FBXO6: variants seen among roughly 807,000 people sequenced by gnomAD.
FBXO6 encodes the protein F-box only protein 6.
A neutral mutation model predicts 25.0 loss-of-function variants in FBXO6; 13 were observed. That is an observed-to-expected ratio of 0.52 (90% CI 0.34 to 0.83). The LOEUF (loss-of-function observed/expected upper bound fraction) is 0.83. Among genes scored for constraint, FBXO6 ranks in the 40% least tolerant of loss-of-function variants. FBXO6 has a pLI of 0.02. For synonymous variants in FBXO6, 138 were observed against 155.3 expected (o/e 0.89, Z 0.83); for missense variants, 370 against 380.2 (o/e 0.97, Z 0.22).
intron 1 of FBXO6, among the ~76,000 whole-genome samples, chr1:11,666,037 CTTTTTTTTTTTTT>C (rs70983580): frequency 1.0e-5 from 1 of 97,388 alleles, no homozygotes; most frequent in Non-Finnish European, 1.9e-5. Context: ...TTTCTTTTCT[CTTTTTTTTTTTTT>C]TTTTTTTTGA....
chr1:11,666,604 G>A (rs1196365269), intron 1 of FBXO6, among the ~76,000 whole-genome samples: 1 of 151,896 alleles, frequency 6.6e-6, no homozygotes, highest in South Asian at 2.1e-4. Flanking sequence ...GGCTGGTCTC[G>A]AACTTCTGAC....
chr1:11,670,460 A>G (rs924218629), intron 2 of FBXO6, among the ~76,000 whole-genome samples: 1 of 152,038 alleles, frequency 6.6e-6, no homozygotes, highest in Non-Finnish European at 1.5e-5. Flanking sequence ...CTTGGTTCCC[A>G]TGACCCACCG....
chr1:11,673,247 T>TCC lies in FBXO6; in HGVS notation c.510-30_510-29insCC. On this transcript the variant is annotated intron_variant, in intron 4 of 5. Transcript: ENST00000376753. The surrounding 1 kb of genome is among the most constrained non-coding windows in gnomAD (Gnocchi z 4.3). The stretch of plus-strand genomic sequence containing the variant: ...CCCCTGGGGCCAGCCCTCGGTGGCT[T>TCC]GGACACAGGGCTCTCAACCCCTCCA... 6.3e-7 allele frequency: 1 copy of TCC among 1,598,658 alleles called. No individual in the cohort carries two copies. The highest frequency in any genetic ancestry group is 1.1e-5 in the South Asian group (1 of 88,570).
chr1:11,668,643 G>A lies in FBXO6; in HGVS notation c.-3-13G>A, dbSNP rs1488782528. 1.9e-6 allele frequency: 3 copies of A among 1,605,176 alleles called. No homozygotes were observed. The highest frequency in any genetic ancestry group is 1.1e-5 in the South Asian group (1 of 90,932). On this transcript the variant is annotated splice_polypyrimidine_tract_variant and intron_variant, in intron 1 of 5. Coordinates refer to ENST00000376753, the MANE Select transcript of FBXO6 (RefSeq NM_018438.6). ...CTCCCTGGTCAGGCTCATAACTGCT[G>A]TTGCCCCCACAGGCCATGGATGCTC...
chr1:11,667,395 C>A (rs1021203577), intron 1 of FBXO6, among the ~76,000 whole-genome samples: 14 of 152,144 alleles, frequency 9.2e-5, no homozygotes, highest in African/African-American at 2.9e-4. Context: ...TTCCAGAACC[C>A]GTGCGCAGTG....
intron 1 of FBXO6, among the ~76,000 whole-genome samples, chr1:11,665,562 T>TTTTTTTTTTTG (rs1640406340): frequency 1.2e-5 from 1 of 86,178 alleles, no homozygotes; most frequent in Non-Finnish European, 2.1e-5. Flanking sequence ...GCCTTTTTTT[T>TTTTTTTTTTTG]TTTTTTTTTT....
Position 11,673,319 on chromosome 1 carries a change from A to C in FBXO6, c.552A>C (p.Lys184Asn), listed in dbSNP as rs757284886. The change falls in exon 5 of 6, where the codon AAA becomes AAC. Residue 184 changes from lysine to asparagine, a missense_variant. By Grantham distance (94) the Lys-to-Asn change is moderately conservative (BLOSUM62 0). Transcript: ENST00000376753. This position sits in a 1 kb window ranked among gnomAD's most constrained non-coding sequence, Gnocchi z 4.3. ...RADCGCTYQL[K>N]VQLASADYFV... is the part of the protein sequence containing the mutation. The stretch of plus-strand genomic sequence containing the variant: ...ACTGTGGCTGCACCTACCAACTCAA[A>C]GTGCAGCTGGCCTCGGCTGACTACT... 2.5e-6 allele frequency: 4 copies of C among 1,613,890 alleles called. No individual in the cohort carries two copies. The Admixed American group carries it at 6.7e-5, about 27-fold the overall frequency.
At chr1:11,668,444 C>T (rs1401585918) in intron 1 of FBXO6, among the ~76,000 whole-genome samples, 6 of 149,192 alleles carry the variant, frequency 4.0e-5, no homozygotes, top group African/African-American at 2.5e-5. Context: ...GTTGCCCGGG[C>T]AGGGGTGCAG....
At chr1:11,672,699 C>A (rs1462209855) in intron 4 of FBXO6, among the ~76,000 whole-genome samples, 1 of 152,228 alleles carries the variant, frequency 6.6e-6, no homozygotes, top group Admixed American at 6.5e-5. Context: ...TTTCCCTATT[C>A]ATCCCATGAC....
chr1:11,666,037 C>CTTTTTTTTTTTT (rs70983580), intron 1 of FBXO6, among the ~76,000 whole-genome samples: 1 of 97,388 alleles, frequency 1.0e-5, no homozygotes, highest in Non-Finnish European at 1.9e-5. Context: ...TTTCTTTTCT[C>CTTTTTTTTTTTT]TTTTTTTTTT....
rs1233084343 is a variant in FBXO6, at chr1:11,673,032, T to C, written c.510-245T>C. On this transcript the variant is annotated intron_variant, in intron 4 of 5. Transcript: ENST00000376753. The surrounding 1 kb of genome is among the most constrained non-coding windows in gnomAD (Gnocchi z 4.3). ...TCTTTTGATTTTTGAGGTCATATCT[T>C]TAGTAGGATGCCCAAAAGGGTCCCT... 6.6e-6 allele frequency among the ~76,000 whole-genome samples: 1 copy of C among 152,156 alleles called. No homozygotes were observed. The highest frequency in any genetic ancestry group is 1.5e-5 in the Non-Finnish European group (1 of 68,026).
At chr1:11,666,037 CTTTTTTT>C (rs70983580) in intron 1 of FBXO6, among the ~76,000 whole-genome samples, 3 of 97,372 alleles carry the variant, frequency 3.1e-5, no homozygotes, top group African/African-American at 4.6e-5. Flanking sequence ...TTTCTTTTCT[CTTTTTTT>C]TTTTTTTTTT....
chr1:11,664,892 G>T (rs537244924), intron 1 of FBXO6, among the ~76,000 whole-genome samples: 1 of 152,132 alleles, frequency 6.6e-6, no homozygotes, highest in Non-Finnish European at 1.5e-5. Context: ...GGGCCGGGGG[G>T]GGGAAGGGGC....
At chr1:11,666,538 C>A (rs557337323) in intron 1 of FBXO6, among the ~76,000 whole-genome samples, 1 of 152,120 alleles carries the variant, frequency 6.6e-6, no homozygotes, top group South Asian at 2.1e-4. Context: ...CACACCACCA[C>A]GCCTGGCTAA....
At chr1:11,666,037 C>CTTTTTTTTT (rs70983580) in intron 1 of FBXO6, among the ~76,000 whole-genome samples, 1 of 97,388 alleles carries the variant, frequency 1.0e-5, no homozygotes, top group South Asian at 3.3e-4. Flanking sequence ...TTTCTTTTCT[C>CTTTTTTTTT]TTTTTTTTTT....
intron 1 of FBXO6, among the ~76,000 whole-genome samples, chr1:11,666,491 C>G (rs535534559): frequency 7.5e-4 from 114 of 151,944 alleles, no homozygotes; most frequent in African/African-American, 2.7e-3. Flanking sequence ...ACACGATTCT[C>G]CTGCCTCAGC....
chr1:11,668,749 C>T lies in FBXO6; in HGVS notation c.91C>T (p.Arg31Cys), dbSNP rs561292765. ...GGAGCTGTTCACGCACGTGCCCGCC[C>T]GCCAGCTGCTGCTGAACTGCCGCCT... is the stretch of plus-strand genomic sequence containing the variant. The part of the protein sequence containing the change: ...LLELFTHVPA[R>C]QLLLNCRLVC... Residue 31 changes from arginine (R) to cysteine (C), a missense_variant, in exon 2 of 6, where the codon CGC (arginine) becomes TGC (cysteine). By Grantham distance (180) the Arg-to-Cys change is radical. Transcript: ENST00000376753. 23 of 1,614,016 alleles carry T rather than the reference C, an allele frequency of 1.4e-5. No homozygotes were observed. The highest frequency in any genetic ancestry group is 8.0e-5 in the African/African-American group (6 of 75,050).
At chr1:11,671,635 T>C (rs1019242260) in intron 3 of FBXO6, among the ~76,000 whole-genome samples, 11 of 152,228 alleles carry the variant, frequency 7.2e-5, no homozygotes, top group African/African-American at 2.7e-4. Flanking sequence ...AAGCCAGGGC[T>C]ATCTACAGGC....
In FBXO6 at chr1:11,671,128, C is replaced by G. The variant is rs1640604865; in HGVS notation, c.287-138C>G. 3.5e-5 allele frequency: 38 copies of G among 1,091,110 alleles called. No individual in the cohort carries two copies. The South Asian group carries it at 5.4e-4, about 16-fold the overall frequency. The allele number at this position is 1,091,110 out of a possible 1,614,324, so 67.6% of individuals were successfully genotyped here. On this transcript the variant is annotated intron_variant, in intron 2 of 5. Transcript: ENST00000376753. ...CTTTGGTGTCCACAGCCGCAGAGACCTGAGCATGAGCAAGTCCTGCCTCCC... is the reference window on the plus strand; with the variant it reads ...CTTTGGTGTCCACAGCCGCAGAGACGTGAGCATGAGCAAGTCCTGCCTCCC...
Sources: allele counts gnomAD v4.1 joint callset (sites outside exome capture counted in the v4.1 genomes callset), GRCh38; gene constraint gnomAD v4.1.1; non-coding constraint Gnocchi (gnomAD v3.1); transcripts MANE v1.5; gene names NCBI Gene and HGNC (gene_info 2026-07-23, HGNC 2026-07-21).